MIR2052HG: variants seen among roughly 807,000 people sequenced by gnomAD.
MIR2052HG encodes MIR2052 host gene.
At chr8:74,726,798 A>G (rs1317567675) in intron 4 of MIR2052HG, among the ~76,000 whole-genome samples, 1 of 152,202 alleles carries the variant, frequency 6.6e-6, no homozygotes, top group African/African-American at 2.4e-5. Context: ...CTTCGTGTAG[A>G]TACAGAGTCT....
intron 1 of MIR2052HG, chr8:74,612,595 G>A (rs1472810414): frequency 1.1e-5 from 3 of 281,356 alleles, no homozygotes; most frequent in Non-Finnish European, 2.1e-5. Context: ...GTCAAAGCAT[G>A]AGTTATCATT....
intron 2 of MIR2052HG, among the ~76,000 whole-genome samples, chr8:74,639,565 C>A (rs575202973): frequency 1.3e-5 from 2 of 152,226 alleles, no homozygotes; most frequent in African/African-American, 4.8e-5. Flanking sequence ...ATAATGTAGT[C>A]CAGGGCTCTG....
intron 1 of MIR2052HG, among the ~76,000 whole-genome samples, chr8:74,610,368 T>C (rs879316625): frequency 4.6e-5 from 7 of 151,540 alleles, no homozygotes; most frequent in Non-Finnish European, 1.0e-4. Context: ...TGAGAAAAAA[T>C]TTTTAAAACT....
At chr8:74,658,712 T>C (rs1167459019) in intron 2 of MIR2052HG, among the ~76,000 whole-genome samples, 2 of 152,206 alleles carry the variant, frequency 1.3e-5, no homozygotes, top group African/African-American at 4.8e-5. Flanking sequence ...GTTTGCAGAA[T>C]AATGCCTGAC....
intron 4 of MIR2052HG, among the ~76,000 whole-genome samples, chr8:74,711,732 T>C (rs1265239552): frequency 2.0e-5 from 3 of 152,240 alleles, no homozygotes; most frequent in Non-Finnish European, 4.4e-5. Context: ...CCTGATGTAG[T>C]AATGGCTGGA....
At chr8:74,616,233 T>G (rs1439253742) in intron 2 of MIR2052HG, among the ~76,000 whole-genome samples, 6 of 151,824 alleles carry the variant, frequency 4.0e-5, no homozygotes, top group Non-Finnish European at 8.8e-5. Context: ...CCACTAACAG[T>G]GTAAAAGTGT....
At chr8:74,636,270 G>A (rs1169412792) in intron 2 of MIR2052HG, among the ~76,000 whole-genome samples, 1 of 152,118 alleles carries the variant, frequency 6.6e-6, no homozygotes, top group Non-Finnish European at 1.5e-5. Context: ...GTCCTGCTGG[G>A]ATGATAGCCT....
chr8:74,732,737 A>G (rs957160979), intron 4 of MIR2052HG, among the ~76,000 whole-genome samples: 11 of 152,178 alleles, frequency 7.2e-5, no homozygotes, highest in African/African-American at 2.4e-4. Flanking sequence ...GTGCCATGTG[A>G]CTATCAAGGG....
intron 2 of MIR2052HG, among the ~76,000 whole-genome samples, chr8:74,631,640 C>T (rs1808512965): frequency 1.3e-5 from 2 of 152,162 alleles, no homozygotes; most frequent in African/African-American, 4.8e-5. Context: ...AATAACTTCT[C>T]AAAAACCCTC....
At chr8:74,682,359 T>C (rs1411050989) in intron 2 of MIR2052HG, among the ~76,000 whole-genome samples, 1 of 152,048 alleles carries the variant, frequency 6.6e-6, no homozygotes, top group African/African-American at 2.4e-5. Context: ...ACTAAAACGT[T>C]AAAACCTGAA....
chr8:74,607,750 C>A (rs1808132391), intron 1 of MIR2052HG, among the ~76,000 whole-genome samples: 2 of 152,178 alleles, frequency 1.3e-5, no homozygotes, highest in African/African-American at 4.8e-5. Context: ...ACTCACTGCT[C>A]ATGGAGTTCA....
chr8:74,752,299 A>AAG, intron 4 of MIR2052HG: 1 of 311,554 alleles, frequency 3.2e-6, no homozygotes, highest in Non-Finnish European at 6.2e-6. Flanking sequence ...AAAAAAAAAA[A>AAG]AAAGTATAGG....
At chr8:74,610,247 T>G (rs951493335) in intron 1 of MIR2052HG, among the ~76,000 whole-genome samples, 22 of 151,966 alleles carry the variant, frequency 1.4e-4, no homozygotes, top group African/African-American at 5.3e-4. Context: ...TCAATAATTT[T>G]AAATTGAGTT....
chr8:74,623,718 T>C (rs983682731), intron 2 of MIR2052HG, among the ~76,000 whole-genome samples: 3 of 152,180 alleles, frequency 2.0e-5, no homozygotes, highest in Non-Finnish European at 4.4e-5. Context: ...GTGTATTCAG[T>C]ATGACAAAGA....
At chr8:74,715,299 A>T (rs981064782) in intron 4 of MIR2052HG, among the ~76,000 whole-genome samples, 4 of 152,156 alleles carry the variant, frequency 2.6e-5, no homozygotes, top group Admixed American at 1.3e-4. Flanking sequence ...TAAAATAACT[A>T]AAGGAAGACA....
chr8:74,736,181 C>G (rs117053306), intron 4 of MIR2052HG, among the ~76,000 whole-genome samples: 1 of 152,260 alleles, frequency 6.6e-6, no homozygotes, highest in East Asian at 1.9e-4. Flanking sequence ...TCCCTTGACT[C>G]CCAAAATACT....
intron 4 of MIR2052HG, among the ~76,000 whole-genome samples, chr8:74,721,215 G>A (rs145472672): frequency 6.6e-6 from 1 of 152,272 alleles, no homozygotes; most frequent in Non-Finnish European, 1.5e-5. Flanking sequence ...TGCAGGAAGG[G>A]AAAGGTAGCC....
intron 2 of MIR2052HG, among the ~76,000 whole-genome samples, chr8:74,701,882 G>A (rs1297361732): frequency 6.6e-6 from 1 of 152,072 alleles, no homozygotes; most frequent in Non-Finnish European, 1.5e-5. Context: ...AATGTCCGGT[G>A]AGTTTCTGGT....
intron 2 of MIR2052HG, among the ~76,000 whole-genome samples, chr8:74,643,835 T>C (rs553858314): frequency 6.6e-6 from 1 of 152,336 alleles, no homozygotes; most frequent in South Asian, 2.1e-4. Flanking sequence ...ATCATTTAAA[T>C]GGCCTCTTTT....
Sources: allele counts gnomAD v4.1 joint callset (sites outside exome capture counted in the v4.1 genomes callset), GRCh38; gene constraint gnomAD v4.1.1; transcripts MANE v1.5; gene names NCBI Gene and HGNC (gene_info 2026-07-23, HGNC 2026-07-21).